NTRK3: variants seen among roughly 807,000 people sequenced by gnomAD.
NTRK3 encodes the protein neurotrophic receptor tyrosine kinase 3.
Under a neutral mutation model 91.7 loss-of-function variants are expected in NTRK3, and 24 were observed. The ratio of observed to expected loss-of-function variants is 0.26; its 90% CI spans 0.19 to 0.37. The LOEUF is 0.37. Ranked by LOEUF, NTRK3 falls within the 10% of genes least tolerant of loss-of-function variation. The pLI is 1.00. For synonymous variants in NTRK3, 483 were observed against 404.0 expected (o/e 1.20, Z -2.34); for missense variants, 880 against 1,068.9 (o/e 0.82, Z 2.46).
intron 17 of NTRK3, among the ~76,000 whole-genome samples, chr15:87,903,124 G>A (rs1401564416): frequency 6.6e-6 from 1 of 152,260 alleles, no homozygotes; most frequent in Non-Finnish European, 1.5e-5. Context: ...ACAAGTGGCA[G>A]GAAGAGAGGA....
At chr15:87,893,309 C>G (rs983705677) in intron 17 of NTRK3, among the ~76,000 whole-genome samples, 3 of 152,170 alleles carry the variant, frequency 2.0e-5, no homozygotes, top group African/African-American at 4.8e-5. Flanking sequence ...CAAACCCCAT[C>G]TTTTTCATTC....
chr15:88,163,442 G>C (rs766016436), intron 5 of NTRK3, among the ~76,000 whole-genome samples: 1 of 152,100 alleles, frequency 6.6e-6, no homozygotes, highest in Non-Finnish European at 1.5e-5. Context: ...CCAGACCACT[G>C]GTTTTCCCCA....
intron 13 of NTRK3, among the ~76,000 whole-genome samples, chr15:88,104,058 G>A (rs893651595): frequency 2.0e-5 from 3 of 152,176 alleles, no homozygotes; most frequent in African/African-American, 7.2e-5. Flanking sequence ...CCAGGCATCT[G>A]GAAGAAGACA....
intron 13 of NTRK3, among the ~76,000 whole-genome samples, chr15:88,074,249 T>A (rs2047341638): frequency 6.6e-6 from 1 of 152,206 alleles, no homozygotes; most frequent in African/African-American, 2.4e-5. Flanking sequence ...TCCTCTCTTG[T>A]CTTGCTGCCG....
chr15:87,970,280 T>C (rs1431285510), intron 14 of NTRK3, among the ~76,000 whole-genome samples: 3 of 152,200 alleles, frequency 2.0e-5, no homozygotes, highest in Admixed American at 6.5e-5. Flanking sequence ...TTATGTGAAA[T>C]GACTTACCAT....
At chr15:87,929,464 C>A (rs951135920) in intron 16 of NTRK3, 30 bp from the exon 17 acceptor site, 7 of 1,611,520 alleles carry the variant, frequency 4.3e-6, no homozygotes, top group Non-Finnish European at 5.9e-6. Context: ...AGAGAGGGGG[C>A]AGAGAGAAAT....
chr15:88,226,451 G>A (rs1374555086), intron 3 of NTRK3, among the ~76,000 whole-genome samples: 6 of 152,244 alleles, frequency 3.9e-5, no homozygotes, highest in Non-Finnish European at 8.8e-5. Context: ...CTGAAGGGCA[G>A]TGAGATGACC....
chr15:87,984,285 A>G (rs1168206781), intron 14 of NTRK3, among the ~76,000 whole-genome samples: 1 of 152,210 alleles, frequency 6.6e-6, no homozygotes, highest in African/African-American at 2.4e-5. Context: ...AATCTTGGTG[A>G]AGAAAGGATT....
chr15:88,125,756 C>G (rs138158491), intron 13 of NTRK3, among the ~76,000 whole-genome samples: 202 of 152,302 alleles, frequency 1.3e-3, no homozygotes, highest in African/African-American at 4.7e-3. Context: ...ATTTAGAAAT[C>G]ATGTTGCTCT....
chr15:88,223,444 G>A (rs935668155), intron 3 of NTRK3, among the ~76,000 whole-genome samples: 1 of 152,262 alleles, frequency 6.6e-6, no homozygotes, highest in African/African-American at 2.4e-5. Context: ...CCAGGGACAA[G>A]AAGGCAAAGG....
intron 5 of NTRK3, among the ~76,000 whole-genome samples, chr15:88,155,514 A>T (rs923795074): frequency 3.9e-5 from 6 of 152,242 alleles, no homozygotes; most frequent in African/African-American, 1.2e-4. Context: ...ACTTTGTGTT[A>T]ATTTGTTACA....
At chr15:88,199,316 C>T (rs537195059) in intron 3 of NTRK3, among the ~76,000 whole-genome samples, 13 of 152,316 alleles carry the variant, frequency 8.5e-5, no homozygotes, top group African/African-American at 2.9e-4. Context: ...CTCATCATGT[C>T]GTCCGGTACT....
chr15:88,200,482 T>C (rs577352761), intron 3 of NTRK3, among the ~76,000 whole-genome samples: 18 of 152,330 alleles, frequency 1.2e-4, no homozygotes, highest in South Asian at 4.1e-4. Context: ...CCACGTGTCA[T>C]GGAAGGGACC....
chr15:88,150,549 C>A (rs2043277923), intron 5 of NTRK3, among the ~76,000 whole-genome samples: 1 of 152,062 alleles, frequency 6.6e-6, no homozygotes, highest in South Asian at 2.1e-4. Flanking sequence ...TCAAGCCCCA[C>A]CTGGATTCCT....
intron 3 of NTRK3, among the ~76,000 whole-genome samples, chr15:88,208,834 A>G (rs1445898556): frequency 6.6e-6 from 1 of 152,146 alleles, no homozygotes; most frequent in East Asian, 1.9e-4. Flanking sequence ...CAGAGATTGC[A>G]ATTTCATTGG....
chr15:87,985,529 T>C (rs1393067481), intron 14 of NTRK3, among the ~76,000 whole-genome samples: 2 of 152,154 alleles, frequency 1.3e-5, no homozygotes, highest in Non-Finnish European at 2.9e-5. Flanking sequence ...GACCCCCAAC[T>C]TCAGTATGGG....
chr15:88,225,764 G>T (rs2050617488), intron 3 of NTRK3, among the ~76,000 whole-genome samples: 1 of 152,140 alleles, frequency 6.6e-6, no homozygotes, highest in Non-Finnish European at 1.5e-5. Context: ...GAAACTCAGG[G>T]AGCCGACAGC....
In NTRK3 at chr15:87,865,652, T is replaced by C. The variant is rs2064649807; in HGVS notation, c.*11283A>G. 4 of 219,456 alleles carry C rather than the reference T, an allele frequency of 1.8e-5. No individual in the cohort carries two copies. The South Asian group carries it at 7.4e-4, about 40-fold the overall frequency. The allele number at this position is 219,456 out of a possible 1,614,324, so 13.6% of individuals were successfully genotyped here. A position where few individuals can be genotyped will look rare whatever the true frequency, so the allele number is the denominator to read the frequency against. On this transcript the variant is annotated 3_prime_UTR_variant, in exon 19 of 19. Transcript: ENST00000394480. The stretch of plus-strand genomic sequence containing the variant: ...TTATAGAGAAAGTTTCACAGAGTCC[T>C]ATTTTTACAAAGCATTATGTTGAAA...
chr15:88,218,963 TG>T (rs2141544923), intron 3 of NTRK3, among the ~76,000 whole-genome samples: 1 of 152,338 alleles, frequency 6.6e-6, no homozygotes, highest in African/African-American at 2.4e-5. Context: ...GGAGGGGGCA[TG>T]GCATCACCCA....
Sources: allele counts gnomAD v4.1 joint callset (sites outside exome capture counted in the v4.1 genomes callset), GRCh38; gene constraint gnomAD v4.1.1; transcripts MANE v1.5; gene names NCBI Gene and HGNC (gene_info 2026-07-23, HGNC 2026-07-21).